Variants in WWOX observed in about 807,000 individuals in gnomAD.
WWOX encodes WW domain containing oxidoreductase, also known as WW domain-containing oxidoreductase.
A neutral mutation model predicts 46.2 loss-of-function variants in WWOX; 69 were observed. The ratio of observed to expected loss-of-function variants is 1.49; its 90% CI spans 1.23 to 1.82. The LOEUF is 1.82. WWOX is among the 40% of genes most tolerant of loss of function. WWOX has a pLI of 0.00. For synonymous variants in WWOX, 359 were observed against 202.6 expected (o/e 1.77, Z -6.56); for missense variants, 919 against 542.6 (o/e 1.69, Z -6.89).
At chr16:79,009,159 C>A (rs574238364) in intron 8 of WWOX, among the ~76,000 whole-genome samples, 1 of 152,160 alleles carries the variant, frequency 6.6e-6, no homozygotes, top group Non-Finnish European at 1.5e-5. Flanking sequence ...CTAAAAAGGC[C>A]CATTCACTAG....
intron 8 of WWOX, among the ~76,000 whole-genome samples, chr16:79,096,304 G>A (rs963987554): frequency 1.4e-4 from 21 of 152,048 alleles, no homozygotes; most frequent in Admixed American, 1.4e-3. Context: ...TTCTGAAGGC[G>A]TCCCCTGTTA....
chr16:79,056,079 G>T (rs1219324502), intron 8 of WWOX, among the ~76,000 whole-genome samples: 1 of 147,370 alleles, frequency 6.8e-6, no homozygotes, highest in Non-Finnish European at 1.5e-5. Flanking sequence ...GCACAGCTCA[G>T]CTTGTAAAAA....
intron 5 of WWOX, among the ~76,000 whole-genome samples, chr16:78,335,903 C>G (rs1239359845): frequency 6.6e-6 from 1 of 152,044 alleles, no homozygotes; most frequent in Non-Finnish European, 1.5e-5. Flanking sequence ...ACCAGCCTTG[C>G]CAACATGGTG....
chr16:78,624,477 A>G (rs1396244304), intron 8 of WWOX, among the ~76,000 whole-genome samples: 2 of 152,208 alleles, frequency 1.3e-5, no homozygotes, highest in Non-Finnish European at 2.9e-5. Flanking sequence ...ACTTGCAATA[A>G]GAAAACCATT....
intron 8 of WWOX, among the ~76,000 whole-genome samples, chr16:78,921,655 G>C (rs2045382599): frequency 6.6e-6 from 1 of 152,194 alleles, no homozygotes; most frequent in South Asian, 2.1e-4. Context: ...ATGGAGGTAA[G>C]AGAGGAATGG....
chr16:79,161,729 G>A (rs1485511382), intron 8 of WWOX, among the ~76,000 whole-genome samples: 1 of 152,172 alleles, frequency 6.6e-6, no homozygotes, highest in Non-Finnish European at 1.5e-5. Flanking sequence ...ATGTTGGCCA[G>A]GCTGGTCTCA....
intron 8 of WWOX, among the ~76,000 whole-genome samples, chr16:78,483,778 G>C (rs2084558607): frequency 6.6e-6 from 1 of 151,866 alleles, no homozygotes; most frequent in African/African-American, 2.4e-5. Flanking sequence ...TGGAAATCAA[G>C]GCTCTTCTTG....
intron 8 of WWOX, among the ~76,000 whole-genome samples, chr16:79,010,029 G>C (rs947915459): frequency 2.6e-5 from 4 of 152,180 alleles, no homozygotes; most frequent in Non-Finnish European, 5.9e-5. Flanking sequence ...TGGGTCTTGA[G>C]TATGCCTAGA....
At chr16:79,188,066 C>T (rs1256684336) in intron 8 of WWOX, among the ~76,000 whole-genome samples, 2 of 152,122 alleles carry the variant, frequency 1.3e-5, no homozygotes, top group African/African-American at 2.4e-5. Context: ...TCTTTTCTTC[C>T]CTGAGGTTGC....
intron 8 of WWOX, among the ~76,000 whole-genome samples, chr16:78,948,365 A>G (rs1470603249): frequency 6.6e-6 from 1 of 152,180 alleles, no homozygotes; most frequent in Non-Finnish European, 1.5e-5. Context: ...GATGTTGCAT[A>G]GAGCACTCAC....
rs747177373 is a variant in WWOX at position 78,859,610 on chromosome 16, C to T, written c.1057-351998C>T. Reference sequence around the variant, plus strand: ...TTAGGGAAAATACCTTCATGTTCAGCATTTTATGTGTCAGTCCCTAAAACT... The same window carrying T: ...TTAGGGAAAATACCTTCATGTTCAGTATTTTATGTGTCAGTCCCTAAAACT... On this transcript the variant is annotated intron_variant, in intron 8 of 8. Transcript: ENST00000566780. Among the ~76,000 whole-genome samples, 3 of 152,118 alleles carry T rather than the reference C, an allele frequency of 2.0e-5. No homozygotes were observed. In the East Asian group the frequency reaches 5.8e-4, roughly 29 times the overall value.
intron 8 of WWOX, among the ~76,000 whole-genome samples, chr16:79,185,409 A>G (rs2050993664): frequency 6.6e-6 from 1 of 152,206 alleles, no homozygotes; most frequent in African/African-American, 2.4e-5. Flanking sequence ...TTGAAAGTGT[A>G]TTTGACCATA....
intron 8 of WWOX, among the ~76,000 whole-genome samples, chr16:78,663,883 G>C (rs2047271334): frequency 6.6e-6 from 1 of 152,212 alleles, no homozygotes; most frequent in African/African-American, 2.4e-5. Flanking sequence ...TCAAGGGAGA[G>C]TAAGTGGTGA....
At chr16:78,863,740 G>T (rs1440117031) in intron 8 of WWOX, among the ~76,000 whole-genome samples, 2 of 152,214 alleles carry the variant, frequency 1.3e-5, no homozygotes, top group African/African-American at 4.8e-5. Context: ...AAATTAATGG[G>T]TGGTCACTGT....
chr16:78,355,446 C>G (rs1383272501), intron 5 of WWOX: 1 of 315,166 alleles, frequency 3.2e-6, no homozygotes, highest in Admixed American at 4.0e-5. Flanking sequence ...ACTAAAAGTA[C>G]AAAAAATTAG....
At chr16:78,616,007 C>T (rs1277506963) in intron 8 of WWOX, among the ~76,000 whole-genome samples, 1 of 152,084 alleles carries the variant, frequency 6.6e-6, no homozygotes, top group African/African-American at 2.4e-5. Context: ...GCCTTGGCCT[C>T]CCAAAGTGCT....
At chr16:78,475,361 T>C (rs1360210822) in intron 8 of WWOX, among the ~76,000 whole-genome samples, 3 of 152,178 alleles carry the variant, frequency 2.0e-5, no homozygotes, top group Non-Finnish European at 4.4e-5. Context: ...TCTTAAAATA[T>C]TAGTGTTGCT....
rs139792661 is a variant in WWOX at position 78,330,015 on chromosome 16, A to G, written c.517-56845A>G. Among the ~76,000 whole-genome samples the G allele has an allele frequency of 4.4e-3, 670 of 152,268 alleles. 4 individuals carry two copies. Among genetic ancestry groups the G allele is most frequent in the African/African-American group, 0.014 (584 of 41,554 alleles). ...AGCGATCCTCCAGCCTTGTCCTCCC[A>G]AAGTACTGGATTACAGGCATGAGTC... On this transcript the variant is annotated intron_variant, in intron 5 of 8. Coordinates refer to ENST00000566780, the MANE Select transcript of WWOX (RefSeq NM_016373.4).
intron 8 of WWOX, among the ~76,000 whole-genome samples, chr16:79,074,373 AAGCCGAATCTC>A (rs1393458252): frequency 6.8e-6 from 1 of 146,684 alleles, no homozygotes; most frequent in African/African-American, 2.5e-5. Context: ...TTGTCACTCA[AAGCCGAATCTC>A]ATCCTGACTG....
Sources: gnomAD v4.1 joint callset for allele counts (sites outside exome capture counted in the v4.1 genomes callset) on GRCh38, gnomAD v4.1.1 for gene constraint, MANE v1.5 for transcripts, NCBI Gene and HGNC (gene_info 2026-07-23, HGNC 2026-07-21) for gene names.